OSTF1: variants seen among roughly 807,000 people sequenced by gnomAD.
The protein encoded by OSTF1 is osteoclast-stimulating factor 1.
OSTF1 carries 27 observed loss-of-function variants against 37.2 expected under a neutral mutation model. The ratio of observed to expected loss-of-function variants is 0.73; its 90% confidence interval spans 0.54 to 1.00. The LOEUF (loss-of-function observed/expected upper bound fraction) is 1.00. Among genes scored for constraint, OSTF1 ranks in the 50% least tolerant of loss-of-function variants. OSTF1 has a pLI of 0.00. For missense variants in OSTF1, 232 were observed against 253.8 expected, an observed-to-expected ratio of 0.91 and a Z score of 0.58; for synonymous variants, 82 against 89.2, an observed-to-expected ratio of 0.92 and a Z score of 0.46.
At chr9:75,108,272 A>G (rs1825325686) in intron 1 of OSTF1, among the ~76,000 whole-genome samples, 1 of 142,678 alleles carries the variant, frequency 7.0e-6, no homozygotes, top group African/African-American at 2.5e-5. Flanking sequence ...AAAAAAGAAA[A>G]AGAAAAAATT....
Position 75,130,634 on chromosome 9 carries a change from C to T in OSTF1, c.189C>T (p.Ser63=). Residue 63 remains serine (S), a synonymous_variant, in exon 4 of 10, where the codon AGC becomes AGT. Transcript: ENST00000346234. ...TSKGRTGLIP[S]NYVAEQAESI... ...AAGGCAGGACTGGACTAATTCCAAG[C>T]AACTATGGTAAGTGTTGCTGAGTGG... 1 of 1,608,136 alleles carries T rather than the reference C, an allele frequency of 6.2e-7. No homozygotes were observed. Among genetic ancestry groups the T allele is most frequent in the Non-Finnish European group, 8.5e-7 (1 of 1,174,580 alleles).
intron 4 of OSTF1, among the ~76,000 whole-genome samples, chr9:75,131,492 G>C (rs55758839): frequency 0.076 from 11,596 of 152,152 alleles, 668 homozygotes; most frequent in African/African-American, 0.16. Context: ...ATTTAACTCA[G>C]GTATGCGGGT....
intron 1 of OSTF1, among the ~76,000 whole-genome samples, chr9:75,105,347 G>A (rs759406786): frequency 9.2e-5 from 14 of 152,272 alleles, no homozygotes; most frequent in South Asian, 2.1e-4. Context: ...GGCTTCGTAG[G>A]CCACACGTTG....
chr9:75,133,599 G>A (rs894532305), intron 6 of OSTF1, among the ~76,000 whole-genome samples, 198 bp downstream of exon 6: 1 of 152,174 alleles, frequency 6.6e-6, no homozygotes, highest in South Asian at 2.1e-4. Context: ...CACTGCATGG[G>A]TCCCTCTCGC....
chr9:75,101,417 T>G (rs953814786), intron 1 of OSTF1, among the ~76,000 whole-genome samples: 7 of 152,244 alleles, frequency 4.6e-5, no homozygotes, highest in Admixed American at 6.5e-5. Flanking sequence ...AGTGAGTAGA[T>G]GATCTTGGAA....
At chr9:75,088,830 G>T (rs1444336622) in intron 1 of OSTF1, 104 bp downstream of exon 1, 14 of 1,180,460 alleles carry the variant, frequency 1.2e-5, no homozygotes, top group Middle Eastern at 2.5e-4. Flanking sequence ...CCGGCCCCGA[G>T]CCTGGCTTCC....
intron 2 of OSTF1, among the ~76,000 whole-genome samples, chr9:75,127,001 T>C (rs1015897034): frequency 6.6e-6 from 1 of 152,242 alleles, no homozygotes; most frequent in Non-Finnish European, 1.5e-5. Flanking sequence ...GAGTTACTGC[T>C]TCATATCTTT....
chr9:75,134,485 CA>C, intron 7 of OSTF1, 90 bp downstream of exon 7: 2 of 659,112 alleles, frequency 3.0e-6, no homozygotes, highest in Admixed American at 3.0e-5. Flanking sequence ...GTATTGTAGT[CA>C]AAATCCCACA....
intron 1 of OSTF1, among the ~76,000 whole-genome samples, chr9:75,090,775 C>T (rs1432236224): frequency 1.3e-5 from 2 of 151,998 alleles, no homozygotes; most frequent in African/African-American, 4.8e-5. Context: ...GAGTTTGAGA[C>T]TAGCCTGGGC....
intron 8 of OSTF1, among the ~76,000 whole-genome samples, chr9:75,139,418 G>A (rs979298971): frequency 2.6e-5 from 4 of 151,826 alleles, no homozygotes; most frequent in Non-Finnish European, 5.9e-5. Flanking sequence ...AACTGACAAA[G>A]CCTTCTTTTT....
chr9:75,141,426 A>T (rs1485586306), intron 9 of OSTF1, among the ~76,000 whole-genome samples: 1 of 151,680 alleles, frequency 6.6e-6, no homozygotes, highest in Admixed American at 6.6e-5. Context: ...TCAATTAAAC[A>T]GAAATTAGAC....
chr9:75,114,691 C>T lies in OSTF1; in HGVS notation c.35-2813C>T, dbSNP rs1263275516. ...ACACCCACCTCTTGAGTAGCTGGGACTACAGGTGTGTGCCACCAAGCCTGG... is the reference window on the plus strand; with the variant it reads ...ACACCCACCTCTTGAGTAGCTGGGATTACAGGTGTGTGCCACCAAGCCTGG... On this transcript the variant is annotated intron_variant, in intron 1 of 9. Coordinates refer to ENST00000346234, the MANE Select transcript of OSTF1 (RefSeq NM_012383.5). Among the ~76,000 whole-genome samples the T allele has an allele frequency of 2.0e-5, 3 of 151,958 alleles. No individual in the cohort carries two copies. The South Asian group carries it at 6.2e-4, about 32-fold the overall frequency.
intron 9 of OSTF1, among the ~76,000 whole-genome samples, chr9:75,146,185 CT>C (rs1390353688): frequency 2.5e-4 from 38 of 152,218 alleles, no homozygotes; most frequent in Admixed American, 2.4e-3. Context: ...TATTTTAAAA[CT>C]TTTCCCCCCC....
chr9:75,114,078 T>G (rs750189519), intron 1 of OSTF1, among the ~76,000 whole-genome samples: 23 of 152,218 alleles, frequency 1.5e-4, no homozygotes, highest in South Asian at 2.1e-4. Flanking sequence ...TCACAAAACA[T>G]AATGTTCTTC....
At chr9:75,130,717 T>C (rs776724901) in intron 4 of OSTF1, 76 bp downstream of exon 4, 2 of 888,882 alleles carry the variant, frequency 2.3e-6, no homozygotes, top group Non-Finnish European at 3.8e-6. Context: ...TTCTGCTTGC[T>C]ACTGTGGCTG....
At chr9:75,145,210 T>C (rs562340797) in intron 9 of OSTF1, among the ~76,000 whole-genome samples, 3 of 151,640 alleles carry the variant, frequency 2.0e-5, no homozygotes, top group African/African-American at 4.8e-5. Context: ...ATTTAGGTTC[T>C]ATCCATCTAC....
At chr9:75,127,739 T>C in intron 3 of OSTF1, 120 bp downstream of exon 3, 1 of 565,224 alleles carries the variant, frequency 1.8e-6, no homozygotes, top group Non-Finnish European at 3.2e-6. Flanking sequence ...CTGTTCATTT[T>C]AGCACAATTG....
intron 2 of OSTF1, among the ~76,000 whole-genome samples, chr9:75,118,963 GGACCA>G (rs1167900870): frequency 6.6e-6 from 1 of 152,056 alleles, no homozygotes; most frequent in Non-Finnish European, 1.5e-5. Flanking sequence ...TATATGCTAG[GGACCA>G]GAGCTTTCTC....
At position 75,127,624 on chromosome 9, in the gene OSTF1, G is replaced by C; in HGVS notation, c.132+5G>C. On this transcript the variant is annotated splice_donor_5th_base_variant and intron_variant, in intron 3 of 9. Transcript: ENST00000346234. ...ATTATCTACATTACTGACATGGTAA[G>C]TCCAGATAACATCTTGTAATACCAC... 6.6e-7 allele frequency: 1 copy of C among 1,517,998 alleles called. No homozygotes were observed. The highest frequency in any genetic ancestry group is 9.1e-7 in the Non-Finnish European group (1 of 1,104,294). The allele number at this position is 1,517,998 out of a possible 1,614,324, so 94.0% of individuals were successfully genotyped here.
Sources: allele counts gnomAD v4.1 joint callset (sites outside exome capture counted in the v4.1 genomes callset), GRCh38; gene constraint gnomAD v4.1.1; transcripts MANE v1.5; gene names NCBI Gene and HGNC (gene_info 2026-07-23, HGNC 2026-07-21).